Variants in SOS1 observed in about 807,000 individuals in gnomAD.
SOS1 encodes the protein son of sevenless homolog 1.
SOS1 carries 25 observed loss-of-function variants against 157.6 expected under a neutral mutation model. That is an observed-to-expected ratio of 0.16 (90% confidence interval 0.12 to 0.22). The LOEUF (loss-of-function observed/expected upper bound fraction) is 0.22. Ranked by LOEUF, SOS1 falls within the 10% of genes least tolerant of loss-of-function variation. SOS1 has a pLI of 1.00. For synonymous variants in SOS1, 528 were observed against 534.0 expected, an observed-to-expected ratio of 0.99 and a Z score of 0.16; for missense variants, 1,237 against 1,599.1, an observed-to-expected ratio of 0.77 and a Z score of 3.86.
chr2:39,004,311 T>C (rs1253795497), intron 17 of SOS1, among the ~76,000 whole-genome samples: 1 of 142,808 alleles, frequency 7.0e-6, no homozygotes, highest in Non-Finnish European at 1.5e-5. Context: ...CCCAGCTACT[T>C]GGGAGGCTGA....
chr2:38,986,101 C>CT lies in SOS1; in HGVS notation c.3724dup (p.Ser1242LysfsTer2), dbSNP rs1558454973. 1.9e-6 allele frequency: 3 copies of CT among 1,613,508 alleles called. No individual in the cohort carries two copies. Among genetic ancestry groups the CT allele is most frequent in the Non-Finnish European group, 2.5e-6 (3 of 1,179,844 alleles). On this transcript the variant is annotated frameshift_variant, in exon 23 of 23. Coordinates refer to ENST00000402219, the MANE Select transcript of SOS1 (RefSeq NM_005633.4). LOFTEE classifies it high-confidence loss of function. Reference sequence around the variant, plus strand: ...TGGGAAGAAGGCATTGCCATGGTCACTTTTTTTGCCCAAAGGGGGAGGTTG... The same window carrying CT: ...TGGGAAGAAGGCATTGCCATGGTCACTTTTTTTTGCCCAAAGGGGGAGGTTG...
At chr2:39,102,136 C>G (rs911674238) in intron 1 of SOS1, among the ~76,000 whole-genome samples, 3 of 129,372 alleles carry the variant, frequency 2.3e-5, no homozygotes, top group Non-Finnish European at 4.7e-5. Flanking sequence ...ACCTGGGAGG[C>G]AGAGGTTGCA....
At chr2:39,095,587 G>A (rs953181015) in intron 1 of SOS1, among the ~76,000 whole-genome samples, 1 of 152,098 alleles carries the variant, frequency 6.6e-6, no homozygotes, top group Non-Finnish European at 1.5e-5. Flanking sequence ...CCTGAATCTG[G>A]GGCAGAAGTG....
rs141696873 is a variant in SOS1, at chr2:39,003,417, C to G, written c.2791+2995G>C. 3.7e-4 allele frequency among the ~76,000 whole-genome samples: 56 copies of G among 152,222 alleles called. No individual in the cohort carries two copies. The East Asian group carries it at 0.01, about 28-fold the overall frequency. On this transcript the variant is annotated intron_variant, in intron 17 of 22. Coordinates refer to ENST00000402219, the MANE Select transcript of SOS1 (RefSeq NM_005633.4). ...CTAAAACTGAGTTTCAAACAAGCTG[C>G]TTATTTCTGCCATTATTTTTAAAGC...
intron 5 of SOS1, among the ~76,000 whole-genome samples, chr2:39,053,459 C>T (rs531270584): frequency 7.9e-5 from 12 of 152,122 alleles, no homozygotes; most frequent in Non-Finnish European, 7.4e-5. Context: ...TTTAAAGCAA[C>T]CTTATTGAAA....
intron 11 of SOS1, 110 bp from the exon 12 acceptor site, chr2:39,014,099 A>T: frequency 1.3e-6 from 1 of 757,674 alleles, no homozygotes; most frequent in South Asian, 1.5e-5. Context: ...TACTGTAAAA[A>T]ATTACTGAAG....
At chr2:39,100,159 A>G (rs760180435) in intron 1 of SOS1, among the ~76,000 whole-genome samples, 2 of 152,236 alleles carry the variant, frequency 1.3e-5, no homozygotes, top group Non-Finnish European at 2.9e-5. Context: ...TCTTTTGGTA[A>G]GAGATAACAA....
intron 15 of SOS1, among the ~76,000 whole-genome samples, chr2:39,009,533 TATAAA>T (rs1669393600): frequency 6.6e-6 from 1 of 152,316 alleles, no homozygotes; most frequent in South Asian, 2.1e-4. Context: ...TAAACAACTG[TATAAA>T]ATAATATAAA....
At chr2:39,113,617 C>T (rs1367849043) in intron 1 of SOS1, among the ~76,000 whole-genome samples, 1 of 152,060 alleles carries the variant, frequency 6.6e-6, no homozygotes, top group Non-Finnish European at 1.5e-5. Flanking sequence ...ACTTTCCAAA[C>T]CTTGATTTTC....
At chr2:39,038,593 G>T (rs1670438977) in intron 6 of SOS1, among the ~76,000 whole-genome samples, 1 of 151,202 alleles carries the variant, frequency 6.6e-6, no homozygotes, top group African/African-American at 2.4e-5. Context: ...AATTAGCTGG[G>T]CATGGTGGCA....
At chr2:39,064,742 AT>A (rs4015841) in intron 2 of SOS1, among the ~76,000 whole-genome samples, 70 of 74,822 alleles carry the variant, frequency 9.4e-4, no homozygotes, top group African/African-American at 3.2e-3. Context: ...TTTAAAATAC[AT>A]TTTTTTTTTT....
In SOS1 at chr2:38,994,989, A is replaced by C; in HGVS notation, c.3346+134T>G. ...TTTAGAATTTGTCTTATATTTTTATAATATTATCTTTTGAAATGGCATTTG... is the reference window on the plus strand; with the variant it reads ...TTTAGAATTTGTCTTATATTTTTATCATATTATCTTTTGAAATGGCATTTG... On this transcript the variant is annotated intron_variant, in intron 20 of 22. Coordinates refer to ENST00000402219, the MANE Select transcript of SOS1 (RefSeq NM_005633.4). 7.3e-6 allele frequency: 5 copies of C among 686,758 alleles called. No homozygotes were observed. In the South Asian group the frequency reaches 9.3e-5, roughly 13 times the overall value. 42.5% of individuals were successfully genotyped at this position (686,758 alleles called of 1,614,324 possible).
chr2:39,076,228 G>A (rs1246136480), intron 1 of SOS1, among the ~76,000 whole-genome samples: 1 of 151,936 alleles, frequency 6.6e-6, no homozygotes, highest in Admixed American at 6.6e-5. Context: ...GGCAAAAACC[G>A]ATCACTACCC....
Position 39,051,794 on chromosome 2 carries a change from G to A in SOS1, c.721-507C>T, listed in dbSNP as rs563354946. Among the ~76,000 whole-genome samples, 3 of 152,162 alleles carry A rather than the reference G, an allele frequency of 2.0e-5. No individual in the cohort carries two copies. The East Asian group carries it at 5.8e-4, about 29-fold the overall frequency. ...AACATAGCGTACTAGAAGACAGCAG[G>A]ATTTTCATATCTATTTCTGCATACA... On this transcript the variant is annotated intron_variant, in intron 5 of 22. Coordinates refer to ENST00000402219, the MANE Select transcript of SOS1 (RefSeq NM_005633.4).
At chr2:39,033,961 A>C (rs577640491) in intron 8 of SOS1, among the ~76,000 whole-genome samples, 1 of 152,328 alleles carries the variant, frequency 6.6e-6, no homozygotes, top group Admixed American at 6.5e-5. Flanking sequence ...AACCATTACA[A>C]AGAAAAATTC....
chr2:39,052,609 C>G (rs1671058548), intron 5 of SOS1, among the ~76,000 whole-genome samples: 1 of 152,168 alleles, frequency 6.6e-6, no homozygotes, highest in African/African-American at 2.4e-5. Context: ...TGCACCCATG[C>G]TGTTGCACGC....
At position 38,985,734 on chromosome 2, in the gene SOS1, T is replaced by A; in HGVS notation, c.*90A>T. 125 of 1,350,062 alleles carry A rather than the reference T, an allele frequency of 9.3e-5. No individual in the cohort carries two copies. Among genetic ancestry groups the A allele is most frequent in the Non-Finnish European group, 1.2e-4 (112 of 950,842 alleles). 83.6% of individuals were successfully genotyped at this position (1,350,062 alleles called of 1,614,324 possible). A position where few individuals can be genotyped will look rare whatever the true frequency, so the allele number is the denominator to read the frequency against. On this transcript the variant is annotated 3_prime_UTR_variant, in exon 23 of 23. Coordinates refer to ENST00000402219, the MANE Select transcript of SOS1 (RefSeq NM_005633.4). Reference sequence around the variant, plus strand: ...GAGTCGTTAGTGTTTGGAGTTCTCATTTTAACTCCTCAGTGCTGGCACATT... The same window carrying A: ...GAGTCGTTAGTGTTTGGAGTTCTCAATTTAACTCCTCAGTGCTGGCACATT...
chr2:39,122,447 T>TACACACACACACACAC (rs70954783), upstream of SOS1, among the ~76,000 whole-genome samples: 16 of 142,096 alleles, frequency 1.1e-4, no homozygotes, highest in African/African-American at 3.9e-4. Context: ...AAAAAAAATA[T>TACACACACACACACAC]ACACACACAC....
chr2:39,006,470 G>T lies in SOS1; in HGVS notation c.2733C>A (p.His911Gln). The change falls in exon 17 of 23, where the codon CAC (histidine) becomes CAA (glutamine). Residue 911 changes from histidine (H) to glutamine (Q), a missense_variant. His to Gln is a conservative substitution (Grantham distance 24, BLOSUM62 0). Around this residue, in one of 15 missense-constraint regions of SOS1, gnomAD observed 105 missense variants for 236.0 expected, o/e 0.44. Transcript: ENST00000402219. Reference protein sequence around the residue: ...LEEAHELSEDHYKKYLAKLRS... With the variant: ...LEEAHELSEDQYKKYLAKLRS... ...TGAGTTTTGCCAAATATTTCTTATA[G>T]TGATCTTCACTCAATTCATGAGCTT... The T allele has an allele frequency of 6.2e-7, 1 of 1,609,562 alleles. No homozygotes were observed. The highest frequency in any genetic ancestry group is 8.5e-7 in the Non-Finnish European group (1 of 1,176,242).
Sources: allele counts gnomAD v4.1 joint callset (sites outside exome capture counted in the v4.1 genomes callset), GRCh38; gene constraint gnomAD v4.1.1; regional missense constraint gnomAD v4.1.1; transcripts MANE v1.5; gene names NCBI Gene and HGNC (gene_info 2026-07-23, HGNC 2026-07-21).